Variants in GNB1 observed in about 807,000 individuals in gnomAD.
GNB1 encodes the protein guanine nucleotide-binding protein G(I)/G(S)/G(T) subunit beta-1.
GNB1 carries 2 observed loss-of-function variants against 42.9 expected under a neutral mutation model. The observed-to-expected ratio is 0.05, with a 90% CI of 0.02 to 0.15. GNB1 has a LOEUF of 0.15. Ranked by LOEUF, GNB1 falls within the 10% of genes least tolerant of loss-of-function variation. The pLI, the probability that GNB1 is intolerant of heterozygous loss-of-function variation, is 1.00. For synonymous variants in GNB1, 183 were observed against 174.7 expected (o/e 1.05, Z -0.38); for missense variants, 193 against 462.2 (o/e 0.42, Z 5.34).
In GNB1 at chr1:1,798,387, T is replaced by G. The variant is rs144247926; in HGVS notation, c.431-5076A>C. 3.0e-3 allele frequency among the ~76,000 whole-genome samples: 453 copies of G among 152,298 alleles called. 2 individuals carry two copies. The highest frequency in any genetic ancestry group is 0.011 in the African/African-American group (439 of 41,572). ...GCCTGTCAGAAAAAAATCCGCTATT[T>G]TCATGAATATAGAAAATGTTCTGCT... On this transcript the variant is annotated intron_variant, in intron 7 of 11. Coordinates refer to ENST00000378609, the MANE Select transcript of GNB1 (RefSeq NM_002074.5).
rs780373436 is a variant in GNB1, at chr1:1,804,510, G to A, written c.339C>T (p.Ala113=). Residue 113 remains alanine (A), a synonymous_variant, in exon 7 of 12, where the codon GCC becomes GCT. Coordinates refer to ENST00000378609, the MANE Select transcript of GNB1 (RefSeq NM_002074.5). ...CAYAPSGNYV[A]CGGLDNICSI... is the part of the protein sequence containing the mutation. ...AGCAAATGTTATCCAGGCCACCGCA[G>A]GCCACATAGTTCCCAGAAGGGGCAT... 4.3e-6 allele frequency: 7 copies of A among 1,613,480 alleles called. No individual in the cohort carries two copies. In the Admixed American group the frequency reaches 1.0e-4, roughly 23 times the overall value.
At chr1:1,868,686 G>A (rs879696924) in intron 1 of GNB1, among the ~76,000 whole-genome samples, 1 of 151,904 alleles carries the variant, frequency 6.6e-6, no homozygotes, top group Admixed American at 6.6e-5. Context: ...AGGAGGCTGA[G>A]GCAGAATTGC....
chr1:1,798,249 G>A (rs1351330297), intron 7 of GNB1, among the ~76,000 whole-genome samples: 1 of 152,218 alleles, frequency 6.6e-6, no homozygotes, highest in Non-Finnish European at 1.5e-5. Flanking sequence ...TACTGGGGCT[G>A]GTAACAGTGA....
Position 1,790,337 on chromosome 1 carries a change from T to C in GNB1, c.699+58A>G. ...TCCAGAAAAGTTTAAAATTTAGCAATCTGAACGGCTAGCAGAGACGGCAGA... is the reference window on the plus strand; with the variant it reads ...TCCAGAAAAGTTTAAAATTTAGCAACCTGAACGGCTAGCAGAGACGGCAGA... On this transcript the variant is annotated intron_variant, in intron 9 of 11. Coordinates refer to ENST00000378609, the MANE Select transcript of GNB1 (RefSeq NM_002074.5). The surrounding 1 kb of genome is among the most constrained non-coding windows in gnomAD (Gnocchi z 5.4). The C allele has an allele frequency of 8.4e-7, 1 of 1,194,448 alleles. No individual in the cohort carries two copies. The highest frequency in any genetic ancestry group is 1.3e-6 in the Non-Finnish European group (1 of 798,810). 74.0% of individuals were successfully genotyped at this position (1,194,448 alleles called of 1,614,324 possible).
chr1:1,836,291 C>T (rs1043774676), intron 2 of GNB1, among the ~76,000 whole-genome samples: 6 of 151,596 alleles, frequency 4.0e-5, no homozygotes, highest in African/African-American at 1.5e-4. Flanking sequence ...TGCTGAGCTT[C>T]TGAGGCACTC....
chr1:1,795,983 CCT>C (rs1646541769), intron 7 of GNB1, among the ~76,000 whole-genome samples: 2 of 152,118 alleles, frequency 1.3e-5, no homozygotes, highest in Admixed American at 6.5e-5. Context: ...ACACATGGCC[CCT>C]GACTTACAAT....
chr1:1,884,088 C>A (rs367672337), intron 1 of GNB1, among the ~76,000 whole-genome samples: 7 of 151,684 alleles, frequency 4.6e-5, no homozygotes, highest in African/African-American at 1.7e-4. Flanking sequence ...GCCTCTGCCT[C>A]CCGAGTAGCT....
chr1:1,850,868 G>T (rs932140805), intron 1 of GNB1, among the ~76,000 whole-genome samples: 2 of 152,194 alleles, frequency 1.3e-5, no homozygotes, highest in Non-Finnish European at 2.9e-5. Flanking sequence ...AGCCACTACT[G>T]TGTGGGGATG....
chr1:1,820,356 TAAAAAAAA>T lies in GNB1; in HGVS notation c.58-2489_58-2482del, dbSNP rs35466451. On this transcript the variant is annotated intron_variant, in intron 3 of 11. Coordinates refer to ENST00000378609, the MANE Select transcript of GNB1 (RefSeq NM_002074.5). ...CCGGGCAACAGAGCGAGACTCTGTT[TAAAAAAAA>T]AAAAAAAAAAAAAAAAGGAACTATA... is the stretch of plus-strand genomic sequence containing the variant. Among the ~76,000 whole-genome samples the T allele has an allele frequency of 9.4e-4, 96 of 101,870 alleles. 1 individual carries two copies. The highest frequency in any genetic ancestry group is 3.4e-3 in the African/African-American group (88 of 26,076). 66.8% of individuals were successfully genotyped at this position (101,870 alleles called of 152,430 possible). A position where few individuals can be genotyped will look rare whatever the true frequency, so the allele number is the denominator to read the frequency against.
chr1:1,887,207 G>A (rs535967741), intron 1 of GNB1, among the ~76,000 whole-genome samples: 47 of 152,170 alleles, frequency 3.1e-4, no homozygotes, highest in Non-Finnish European at 6.0e-4. Flanking sequence ...AGACCAACAT[G>A]AGCCAAATCT....
chr1:1,866,447 A>G (rs1258250666), intron 1 of GNB1, among the ~76,000 whole-genome samples: 1 of 152,198 alleles, frequency 6.6e-6, no homozygotes, highest in East Asian at 1.9e-4. Flanking sequence ...CAATAAAGGA[A>G]GGCCACCTTA....
chr1:1,880,744 G>A (rs1270549979), intron 1 of GNB1, among the ~76,000 whole-genome samples: 1 of 152,068 alleles, frequency 6.6e-6, no homozygotes, highest in Non-Finnish European at 1.5e-5. Flanking sequence ...CCCAAATGTT[G>A]CTAACTCCCA....
intron 2 of GNB1, among the ~76,000 whole-genome samples, chr1:1,827,439 T>C (rs1446108494): frequency 6.6e-6 from 1 of 152,208 alleles, no homozygotes; most frequent in Non-Finnish European, 1.5e-5. Context: ...AAAGCTTCAC[T>C]AAGGAAAAAT....
At chr1:1,867,344 T>C (rs1649000651) in intron 1 of GNB1, among the ~76,000 whole-genome samples, 1 of 152,164 alleles carries the variant, frequency 6.6e-6, no homozygotes, top group Non-Finnish European at 1.5e-5. Context: ...CAAGCATGAC[T>C]AGGCATTCAT....
intron 7 of GNB1, among the ~76,000 whole-genome samples, chr1:1,796,912 G>C (rs1646554340): frequency 6.6e-6 from 1 of 152,210 alleles, no homozygotes; most frequent in Non-Finnish European, 1.5e-5. Flanking sequence ...AGGCACGGCA[G>C]AGAGTGGAAG....
intron 6 of GNB1, among the ~76,000 whole-genome samples, chr1:1,806,141 C>A (rs183037743): frequency 2.6e-5 from 4 of 152,322 alleles, no homozygotes; most frequent in African/African-American, 9.6e-5. Context: ...AAAAGTGATA[C>A]TTCTGCACTC....
chr1:1,847,502 TA>T (rs928494877), intron 1 of GNB1, among the ~76,000 whole-genome samples: 2 of 152,104 alleles, frequency 1.3e-5, no homozygotes, highest in Non-Finnish European at 2.9e-5. Flanking sequence ...GCCTCTAGAT[TA>T]GGGGGTCATA....
intron 1 of GNB1, among the ~76,000 whole-genome samples, chr1:1,869,400 G>T (rs962475011): frequency 2.0e-5 from 3 of 152,006 alleles, no homozygotes; most frequent in Non-Finnish European, 2.9e-5. Flanking sequence ...TCATGCCCAA[G>T]AGCTTAATTA....
chr1:1,792,012 T>C (rs1488341896), intron 8 of GNB1, among the ~76,000 whole-genome samples: 1 of 152,040 alleles, frequency 6.6e-6, no homozygotes, highest in East Asian at 1.9e-4. Context: ...TAGGGGTCTG[T>C]GCCCTGGGCT....
Sources: allele counts gnomAD v4.1 joint callset (sites outside exome capture counted in the v4.1 genomes callset), GRCh38; gene constraint gnomAD v4.1.1; non-coding constraint Gnocchi (gnomAD v3.1); transcripts MANE v1.5; gene names NCBI Gene and HGNC (gene_info 2026-07-23, HGNC 2026-07-21).